WDR25: variants seen among roughly 807,000 people sequenced by gnomAD.
The protein encoded by WDR25 is WD repeat domain 25.
In WDR25, 35 loss-of-function variants were observed where a neutral mutation model predicts 47.7. That is an observed-to-expected ratio of 0.73 (90% CI 0.56 to 0.97). WDR25 has a LOEUF of 0.97. Among genes scored for constraint, WDR25 ranks in the 50% least tolerant of loss-of-function variants. The pLI, the probability that WDR25 is intolerant of heterozygous loss-of-function variation, is 0.00. For missense variants in WDR25, 634 were observed against 704.7 expected (o/e 0.90, Z 1.14); for synonymous variants, 248 against 278.9 (o/e 0.89, Z 1.10).
chr14:100,427,004 C>T (rs1181643128), intron 2 of WDR25, among the ~76,000 whole-genome samples: 2 of 152,248 alleles, frequency 1.3e-5, no homozygotes, highest in African/African-American at 2.4e-5. Context: ...TGCTTAAAAC[C>T]CTTCAGCAAC....
At chr14:100,471,557 G>A (rs1595123375) in intron 3 of WDR25, among the ~76,000 whole-genome samples, 1 of 152,060 alleles carries the variant, frequency 6.6e-6, no homozygotes, top group African/African-American at 2.4e-5. Flanking sequence ...GCCTTTTTCC[G>A]CCCTTGGTGA....
chr14:100,471,494 A>ACTTGT (rs1214365151), intron 3 of WDR25, among the ~76,000 whole-genome samples: 1 of 151,924 alleles, frequency 6.6e-6, no homozygotes, highest in African/African-American at 2.4e-5. Flanking sequence ...TCCCGCTTTG[A>ACTTGT]CTTGTCTTGT....
chr14:100,436,605 G>A (rs777113240), intron 2 of WDR25, among the ~76,000 whole-genome samples: 17 of 152,188 alleles, frequency 1.1e-4, no homozygotes, highest in Non-Finnish European at 2.1e-4. Flanking sequence ...CCTTTAGGCC[G>A]GCCAGGTAGC....
intron 4 of WDR25, among the ~76,000 whole-genome samples, chr14:100,492,956 C>T (rs1287535114): frequency 1.3e-5 from 2 of 152,078 alleles, no homozygotes; most frequent in South Asian, 2.1e-4. Context: ...GGACTACAGG[C>T]GCCTGCCACC....
At chr14:100,390,062 A>G (rs902682268) in intron 2 of WDR25, among the ~76,000 whole-genome samples, 22 of 151,924 alleles carry the variant, frequency 1.4e-4, no homozygotes, top group African/African-American at 4.1e-4. Context: ...CTTTTTTTGA[A>G]TTTGTATTTC....
rs1898221551 is a variant in WDR25 at position 100,428,117 on chromosome 14, T to C, written c.823-39904T>C. Among the ~76,000 whole-genome samples the C allele has an allele frequency of 3.3e-5, 5 of 152,220 alleles. No homozygotes were observed. Among genetic ancestry groups the C allele is most frequent in the Admixed American group, 2.0e-4 (3 of 15,290 alleles). Reference sequence around the variant, plus strand: ...CCTCATCACAGTTCCCCCTGGAGCATTCACGCAAGGTCACTTTTCCCATCT... The same window carrying C: ...CCTCATCACAGTTCCCCCTGGAGCACTCACGCAAGGTCACTTTTCCCATCT... On this transcript the variant is annotated intron_variant, in intron 2 of 6. Coordinates refer to ENST00000402312, the MANE Select transcript of WDR25 (RefSeq NM_001161476.3). The surrounding 1 kb of genome is among the most constrained non-coding windows in gnomAD (Gnocchi z 4.3).
At chr14:100,398,442 C>T (rs1010247663) in intron 2 of WDR25, among the ~76,000 whole-genome samples, 2 of 152,120 alleles carry the variant, frequency 1.3e-5, no homozygotes, top group South Asian at 2.1e-4. Context: ...GTTAGAAAAA[C>T]AGGAGTCTTA....
At chr14:100,509,080 T>C (rs1327947003) in intron 4 of WDR25, among the ~76,000 whole-genome samples, 1 of 152,206 alleles carries the variant, frequency 6.6e-6, no homozygotes, top group Non-Finnish European at 1.5e-5. Flanking sequence ...GAGATTAATA[T>C]TGACCTCAGA....
At chr14:100,443,074 G>A (rs1898717583) in intron 2 of WDR25, among the ~76,000 whole-genome samples, 1 of 152,238 alleles carries the variant, frequency 6.6e-6, no homozygotes, top group Non-Finnish European at 1.5e-5. Context: ...TCTGAGTCCT[G>A]CCCGGCTGCA....
chr14:100,381,507 A>G lies in WDR25; in HGVS notation c.583A>G (p.Lys195Glu), dbSNP rs772050580. The G allele has an allele frequency of 8.1e-6, 13 of 1,614,160 alleles. No homozygotes were observed. Among genetic ancestry groups the G allele is most frequent in the Non-Finnish European group, 1.1e-5 (13 of 1,180,022 alleles). ...QALSTETGKG[K>E]DVEPQGPPAG... ...ATTAAGCACGGAGACAGGCAAGGGT[A>G]AAGACGTGGAGCCACAGGGGCCCCC... Residue 195 changes from lysine (K) to glutamate (E), a missense_variant, in exon 2 of 7, where the codon AAA becomes GAA. Coordinates refer to ENST00000402312, the MANE Select transcript of WDR25 (RefSeq NM_001161476.3).
At chr14:100,444,130 T>C (rs1474113044) in intron 2 of WDR25, among the ~76,000 whole-genome samples, 1 of 152,190 alleles carries the variant, frequency 6.6e-6, no homozygotes, top group Non-Finnish European at 1.5e-5. Context: ...CACAGGAAGA[T>C]GGGCACACCT....
At chr14:100,515,789 CT>C (rs11301950) in intron 4 of WDR25, among the ~76,000 whole-genome samples, 42,147 of 110,316 alleles carry the variant, frequency 0.38, 6,118 homozygotes, top group East Asian at 0.51. Flanking sequence ...CCACACCTTG[CT>C]TTTTTTTTTT....
chr14:100,467,210 A>G (rs990439620), intron 2 of WDR25, among the ~76,000 whole-genome samples: 8 of 152,072 alleles, frequency 5.3e-5, no homozygotes, highest in African/African-American at 1.9e-4. Flanking sequence ...TCCTTTTTGG[A>G]TCTCTGTCTT....
chr14:100,527,201 C>T (rs920451896), intron 5 of WDR25, among the ~76,000 whole-genome samples: 3 of 151,660 alleles, frequency 2.0e-5, no homozygotes, highest in Non-Finnish European at 4.4e-5. Flanking sequence ...CTGTCACCAG[C>T]ATGTCTAGCA....
intron 2 of WDR25, among the ~76,000 whole-genome samples, chr14:100,463,430 G>GT (rs995865720): frequency 3.3e-5 from 5 of 152,088 alleles, no homozygotes; most frequent in African/African-American, 9.6e-5. Context: ...TTCCTCTTCT[G>GT]TTTTTTTCCC....
At chr14:100,484,378 A>T (rs938706923) in intron 4 of WDR25, among the ~76,000 whole-genome samples, 37 of 152,220 alleles carry the variant, frequency 2.4e-4, no homozygotes, top group African/African-American at 8.4e-4. Flanking sequence ...ACTGTGCACA[A>T]ATGCTTCCAG....
rs1566951820 is a variant in WDR25, at chr14:100,529,314, T to C, written c.1413+106T>C. On this transcript the variant is annotated intron_variant, in intron 6 of 6. Coordinates refer to ENST00000402312, the MANE Select transcript of WDR25 (RefSeq NM_001161476.3). This position sits in a 1 kb window ranked among gnomAD's most constrained non-coding sequence, Gnocchi z 5.1. ...TGCATGGAGCCTCTGTCTGGGTGGA[T>C]CCTGCTTTCTGTTTCCTGGGTGAGC... is the stretch of plus-strand genomic sequence containing the variant. 6.6e-7 allele frequency: 1 copy of C among 1,520,390 alleles called. No homozygotes were observed. The highest frequency in any genetic ancestry group is 2.4e-5 in the East Asian group (1 of 42,272). The allele number at this position is 1,520,390 out of a possible 1,614,324, so 94.2% of individuals were successfully genotyped here.
rs925219911 is a variant in WDR25, at chr14:100,484,668, G to A, written c.1101+544G>A. On this transcript the variant is annotated intron_variant, in intron 4 of 6. Transcript: ENST00000402312. ...TGCCTTTTACCATCACCACTTACTA[G>A]ATGGCAGCTCCACCCTAGTTGTTCA... Among the ~76,000 whole-genome samples, 3 of 152,132 alleles carry A rather than the reference G, an allele frequency of 2.0e-5. No homozygotes were observed. The South Asian group carries it at 6.2e-4, about 32-fold the overall frequency.
intron 2 of WDR25, among the ~76,000 whole-genome samples, chr14:100,419,221 CAAAAA>C (rs767240939): frequency 2.8e-5 from 2 of 72,220 alleles, no homozygotes; most frequent in Admixed American, 1.6e-4. Context: ...GACTCCATCA[CAAAAA>C]AAAAAAAAAA....
Sources: gnomAD v4.1 joint callset for allele counts (sites outside exome capture counted in the v4.1 genomes callset) on GRCh38, gnomAD v4.1.1 for gene constraint, Gnocchi (gnomAD v3.1) non-coding constraint, MANE v1.5 for transcripts, NCBI Gene and HGNC (gene_info 2026-07-23, HGNC 2026-07-21) for gene names.